STXBP5L: variants seen among roughly 807,000 people sequenced by gnomAD.
The protein encoded by STXBP5L is syntaxin binding protein 5L.
Under a neutral mutation model 144.5 loss-of-function variants are expected in STXBP5L, and 65 were observed. The ratio of observed to expected loss-of-function variants is 0.45; its 90% CI spans 0.37 to 0.55. The LOEUF (loss-of-function observed/expected upper bound fraction) is 0.55, where lower values mean the gene tolerates loss of function less well. STXBP5L is among the 20% of genes least tolerant of loss of function. The pLI, the probability that STXBP5L is intolerant of heterozygous loss-of-function variation, is 0.00. For missense variants in STXBP5L, 1,298 were observed against 1,405.5 expected, an observed-to-expected ratio of 0.92 and a Z score of 1.22; for synonymous variants, 505 against 469.6, an observed-to-expected ratio of 1.08 and a Z score of -0.97.
Position 121,244,706 on chromosome 3 carries a change from A to C in STXBP5L, c.1400+4199A>C, listed in dbSNP as rs554342270. On this transcript the variant is annotated intron_variant, in intron 14 of 26. Coordinates refer to ENST00000471454, the MANE Select transcript of STXBP5L (RefSeq NM_001308330.2). Reference sequence around the variant, plus strand: ...AAGAAGAAAAGTTCTTATCACATGCAAGGAAATCCCCATGAGATTGTCAGC... The same window carrying C: ...AAGAAGAAAAGTTCTTATCACATGCCAGGAAATCCCCATGAGATTGTCAGC... Among the ~76,000 whole-genome samples the C allele has an allele frequency of 3.3e-5, 5 of 152,336 alleles. No individual in the cohort carries two copies. The East Asian group carries it at 9.6e-4, about 29-fold the overall frequency.
chr3:121,094,264 G>C (rs528975999), intron 5 of STXBP5L, among the ~76,000 whole-genome samples: 2,929 of 152,288 alleles, frequency 0.019, 102 homozygotes, highest in African/African-American at 0.067. Flanking sequence ...TTGGGGTGGA[G>C]AGTTCTGTAG....
intron 5 of STXBP5L, among the ~76,000 whole-genome samples, chr3:121,054,966 G>T (rs896614414): frequency 2.0e-5 from 3 of 152,068 alleles, no homozygotes; most frequent in Non-Finnish European, 4.4e-5. Flanking sequence ...CCCTTTTATG[G>T]ACTTTTTGGG....
At chr3:121,187,580 G>GA (rs1363957471) in intron 9 of STXBP5L, among the ~76,000 whole-genome samples, 69 of 133,016 alleles carry the variant, frequency 5.2e-4, no homozygotes, top group Non-Finnish European at 1.9e-4. Context: ...ATGAAAAATA[G>GA]AAAAAAGAAC....
Position 121,349,061 on chromosome 3 carries a change from T to A in STXBP5L, c.2177-29655T>A, listed in dbSNP as rs184789821. 2.6e-3 allele frequency among the ~76,000 whole-genome samples: 401 copies of A among 152,218 alleles called. 5 individuals carry two copies. Among genetic ancestry groups the A allele is most frequent in the African/African-American group, 9.0e-3 (375 of 41,494 alleles). ...TTAATTGTGATGTTAGGGTGTCAGT[T>A]TTAGATATTTCCTGCTTTCTCTTGT... On this transcript the variant is annotated intron_variant, in intron 20 of 26. Transcript: ENST00000471454.
intron 5 of STXBP5L, among the ~76,000 whole-genome samples, chr3:121,087,433 C>A (rs537603499): frequency 1.1e-4 from 16 of 152,064 alleles, no homozygotes; most frequent in Non-Finnish European, 2.1e-4. Flanking sequence ...TTTGGTGTCC[C>A]TCTCTATCTC....
chr3:121,053,441 A>T (rs1037438925), intron 5 of STXBP5L, among the ~76,000 whole-genome samples: 3 of 152,194 alleles, frequency 2.0e-5, no homozygotes, highest in Non-Finnish European at 4.4e-5. Context: ...AATTCTGCAT[A>T]TCTACAACCA....
intron 5 of STXBP5L, among the ~76,000 whole-genome samples, chr3:121,103,761 C>T (rs1465162966): frequency 6.6e-6 from 1 of 152,050 alleles, no homozygotes; most frequent in Non-Finnish European, 1.5e-5. Context: ...TTACAAATGA[C>T]TTCTGTTGGT....
intron 19 of STXBP5L, among the ~76,000 whole-genome samples, chr3:121,296,010 A>C (rs2051635191): frequency 6.6e-6 from 1 of 152,186 alleles, no homozygotes; most frequent in Non-Finnish European, 1.5e-5. Context: ...GTATATTTTT[A>C]AGTTATAAAA....
intron 5 of STXBP5L, among the ~76,000 whole-genome samples, chr3:121,072,593 C>G (rs1054645174): frequency 2.6e-5 from 4 of 152,186 alleles, no homozygotes; most frequent in African/African-American, 7.2e-5. Context: ...TCAAACGAAG[C>G]CTTTTCATTA....
intron 20 of STXBP5L, among the ~76,000 whole-genome samples, chr3:121,358,745 T>A (rs949739213): frequency 6.6e-6 from 1 of 152,224 alleles, no homozygotes; most frequent in Non-Finnish European, 1.5e-5. Flanking sequence ...GAATATTTAA[T>A]GTTTGTCTTT....
Position 121,006,666 on chromosome 3 carries a change from C to T in STXBP5L, c.288-35034C>T, listed in dbSNP as rs530526826. ...AGTATCAATGGTCTTTACAATTTGG[C>T]ATGTTTTTGCAGTGGCTGGTGCCAG... On this transcript the variant is annotated intron_variant, in intron 3 of 26. Transcript: ENST00000471454. Among the ~76,000 whole-genome samples the T allele has an allele frequency of 5.2e-4, 79 of 152,234 alleles. 3 individuals carry two copies. The South Asian group carries it at 0.016, about 31-fold the overall frequency.
At chr3:121,220,365 C>A (rs1447584771) in intron 10 of STXBP5L, among the ~76,000 whole-genome samples, 3 of 151,954 alleles carry the variant, frequency 2.0e-5, no homozygotes, top group Non-Finnish European at 4.4e-5. Flanking sequence ...TCATTTATTT[C>A]TTTTATAAGA....
Position 120,998,705 on chromosome 3 carries a change from G to A in STXBP5L, c.288-42995G>A, listed in dbSNP as rs944135815. ...AAAAATTGATGTTCAAAAATCAATA[G>A]CATTCCTATACACCAAAAACATCCA... On this transcript the variant is annotated intron_variant, in intron 3 of 26. Transcript: ENST00000471454. Among the ~76,000 whole-genome samples, 15 of 152,184 alleles carry A rather than the reference G, an allele frequency of 9.9e-5. No individual in the cohort carries two copies. In the East Asian group the frequency reaches 2.9e-3, roughly 29 times the overall value.
At chr3:121,039,194 G>A (rs984636086) in intron 3 of STXBP5L, among the ~76,000 whole-genome samples, 9 of 151,744 alleles carry the variant, frequency 5.9e-5, no homozygotes, top group East Asian at 1.9e-4. Context: ...AATATTCTGC[G>A]TTATTTTTTG....
intron 10 of STXBP5L, among the ~76,000 whole-genome samples, chr3:121,210,204 A>C (rs1196452676): frequency 3.3e-5 from 5 of 151,942 alleles, no homozygotes; most frequent in Non-Finnish European, 7.4e-5. Context: ...GCATTTTTTC[A>C]TGTGTCTTTT....
chr3:120,991,808 T>C (rs1305160503), intron 3 of STXBP5L, among the ~76,000 whole-genome samples: 1 of 148,482 alleles, frequency 6.7e-6, no homozygotes, highest in Non-Finnish European at 1.5e-5. Context: ...CCGGGGCCTG[T>C]TGTGGGGTGG....
At chr3:121,145,986 A>T (rs1023253173) in intron 7 of STXBP5L, among the ~76,000 whole-genome samples, 1 of 152,046 alleles carries the variant, frequency 6.6e-6, no homozygotes, top group Non-Finnish European at 1.5e-5. Flanking sequence ...TGGAACTGGG[A>T]CATCTATCCT....
At chr3:121,111,354 C>T (rs965982679) in intron 5 of STXBP5L, among the ~76,000 whole-genome samples, 3 of 152,252 alleles carry the variant, frequency 2.0e-5, no homozygotes, top group Non-Finnish European at 2.9e-5. Context: ...TTCATTGATT[C>T]TTTCTCATCT....
At chr3:121,131,621 T>G (rs980568754) in intron 7 of STXBP5L, among the ~76,000 whole-genome samples, 4 of 152,192 alleles carry the variant, frequency 2.6e-5, no homozygotes, top group African/African-American at 9.6e-5. Flanking sequence ...CAACCCCTGT[T>G]CTGAGTATAG....
Sources: allele counts gnomAD v4.1 joint callset (sites outside exome capture counted in the v4.1 genomes callset), GRCh38; gene constraint gnomAD v4.1.1; transcripts MANE v1.5; gene names NCBI Gene and HGNC (gene_info 2026-07-23, HGNC 2026-07-21).